ASIC2: variants seen among roughly 807,000 people sequenced by gnomAD.
ASIC2 encodes acid sensing ion channel subunit 2.
Under a neutral mutation model 57.3 loss-of-function variants are expected in ASIC2, and 25 were observed. The observed-to-expected ratio is 0.44, with a 90% CI of 0.32 to 0.61. The LOEUF is 0.61. Among genes scored for constraint, ASIC2 ranks in the 20% least tolerant of loss-of-function variants. ASIC2 has a pLI of 0.06. For synonymous variants in ASIC2, 319 were observed against 307.5 expected, an observed-to-expected ratio of 1.04 and a Z score of -0.39; for missense variants, 641 against 738.1, an observed-to-expected ratio of 0.87 and a Z score of 1.52.
chr17:33,469,732 A>T (rs1002853025), intron 1 of ASIC2, among the ~76,000 whole-genome samples: 5 of 152,182 alleles, frequency 3.3e-5, no homozygotes, highest in Non-Finnish European at 7.4e-5. Context: ...GAGGGAGCTG[A>T]TGTGATACCA....
chr17:33,852,833 G>A (rs1432705122), intron 1 of ASIC2, among the ~76,000 whole-genome samples: 4 of 152,048 alleles, frequency 2.6e-5, no homozygotes, highest in South Asian at 2.1e-4. Flanking sequence ...GGAGAGGGCC[G>A]GTGAGCAAGA....
chr17:33,035,145 A>AT (rs1393710360), intron 3 of ASIC2, among the ~76,000 whole-genome samples: 1 of 152,026 alleles, frequency 6.6e-6, no homozygotes, highest in Admixed American at 6.5e-5. Context: ...AGATGGTGTG[A>AT]TTTTCAGTTC....
chr17:33,878,641 T>C (rs964302962), intron 1 of ASIC2, among the ~76,000 whole-genome samples: 2 of 152,224 alleles, frequency 1.3e-5, no homozygotes, highest in Non-Finnish European at 2.9e-5. Context: ...CTGGTGTACC[T>C]GAAAGTGATG....
At chr17:33,701,501 T>C (rs1908700922) in intron 1 of ASIC2, among the ~76,000 whole-genome samples, 1 of 152,190 alleles carries the variant, frequency 6.6e-6, no homozygotes, top group South Asian at 2.1e-4. Flanking sequence ...CAATTCACTC[T>C]TACACAAGGG....
At chr17:34,051,518 T>C (rs552249700) in intron 1 of ASIC2, among the ~76,000 whole-genome samples, 105 of 152,326 alleles carry the variant, frequency 6.9e-4, no homozygotes, top group African/African-American at 2.4e-3. Context: ...AAGTCAGGAC[T>C]ATCAGTTATT....
At chr17:33,420,764 C>G (rs1052434728) in intron 1 of ASIC2, among the ~76,000 whole-genome samples, 1 of 152,128 alleles carries the variant, frequency 6.6e-6, no homozygotes, top group Admixed American at 6.5e-5. Flanking sequence ...GCTACCAACA[C>G]AGAATGGGAG....
intron 1 of ASIC2, among the ~76,000 whole-genome samples, chr17:33,324,705 C>T (rs1009803121): frequency 6.6e-6 from 1 of 152,184 alleles, no homozygotes; most frequent in Non-Finnish European, 1.5e-5. Flanking sequence ...GTTCTCTTCT[C>T]CCCATTAAGA....
intron 1 of ASIC2, among the ~76,000 whole-genome samples, chr17:33,572,681 C>A (rs1490536140): frequency 3.3e-5 from 5 of 152,190 alleles, no homozygotes; most frequent in African/African-American, 1.2e-4. Flanking sequence ...CCAGGCCCAG[C>A]CGCTTACCTG....
chr17:33,740,797 A>G (rs1036307939), intron 1 of ASIC2, among the ~76,000 whole-genome samples: 1 of 152,156 alleles, frequency 6.6e-6, no homozygotes, highest in African/African-American at 2.4e-5. Flanking sequence ...CTTAGCCACT[A>G]CTATGGGTTG....
intron 1 of ASIC2, among the ~76,000 whole-genome samples, chr17:33,489,723 G>A (rs1372768952): frequency 6.6e-6 from 1 of 152,192 alleles, no homozygotes; most frequent in Non-Finnish European, 1.5e-5. Flanking sequence ...CAAGCTTTTG[G>A]CCAAGTCTGA....
Position 33,058,316 on chromosome 17 carries a change from C to T in ASIC2, c.988-29924G>A, listed in dbSNP as rs113361123. Among the ~76,000 whole-genome samples, 1,066 of 152,032 alleles carry T rather than the reference C, an allele frequency of 7.0e-3. 17 individuals are homozygous for T. Among genetic ancestry groups the T allele is most frequent in the African/African-American group, 0.025 (1,024 of 41,446 alleles). ...CTTTGTCAATGCTCAGAGGTGAGGC[C>T]GACTGGAAAAGGATGGGAGATTTGT... On this transcript the variant is annotated intron_variant, in intron 3 of 9. Coordinates refer to ENST00000225823, the MANE Select transcript of ASIC2 (RefSeq NM_183377.2).
chr17:34,069,131 T>C (rs976816934), intron 1 of ASIC2, among the ~76,000 whole-genome samples: 6 of 152,106 alleles, frequency 3.9e-5, no homozygotes, highest in African/African-American at 1.4e-4. Flanking sequence ...TGGGAGTATT[T>C]ACACTGCAGA....
At chr17:33,050,422 C>T (rs2091970656) in intron 3 of ASIC2, among the ~76,000 whole-genome samples, 1 of 152,110 alleles carries the variant, frequency 6.6e-6, no homozygotes, top group Non-Finnish European at 1.5e-5. Context: ...GACATCCTCT[C>T]TATAGGCCTC....
At chr17:33,577,048 C>T (rs1011678792) in intron 1 of ASIC2, among the ~76,000 whole-genome samples, 3 of 152,180 alleles carry the variant, frequency 2.0e-5, no homozygotes, top group Non-Finnish European at 2.9e-5. Context: ...CTTTGAGCCT[C>T]TTCATTCATC....
chr17:33,074,629 A>C (rs1000132882), intron 3 of ASIC2, among the ~76,000 whole-genome samples: 3 of 152,208 alleles, frequency 2.0e-5, no homozygotes, highest in Admixed American at 1.3e-4. Flanking sequence ...AACTGCAGGC[A>C]GTATTGCTCA....
chr17:33,414,876 T>C (rs1910785150), intron 1 of ASIC2, among the ~76,000 whole-genome samples: 1 of 152,218 alleles, frequency 6.6e-6, no homozygotes, highest in Admixed American at 6.5e-5. Flanking sequence ...ACCCCGCTTC[T>C]CCATGGCTCC....
At chr17:34,014,143 C>T (rs1341583412) in intron 1 of ASIC2, among the ~76,000 whole-genome samples, 1 of 152,190 alleles carries the variant, frequency 6.6e-6, no homozygotes, top group Non-Finnish European at 1.5e-5. Context: ...TGGGTACTTA[C>T]TATGTGCCAG....
intron 1 of ASIC2, among the ~76,000 whole-genome samples, chr17:33,169,996 C>T (rs1905449820): frequency 2.0e-5 from 3 of 152,150 alleles, no homozygotes; most frequent in Admixed American, 6.5e-5. Flanking sequence ...ATATCAGAGC[C>T]AACTGTGTCC....
chr17:33,415,828 ATCT>A (rs1358087667), intron 1 of ASIC2, among the ~76,000 whole-genome samples: 14 of 152,244 alleles, frequency 9.2e-5, no homozygotes, highest in East Asian at 1.9e-4. Flanking sequence ...GCAGTTAGAC[ATCT>A]TCTTGAGAAT....
Sources: gnomAD v4.1 joint callset for allele counts (sites outside exome capture counted in the v4.1 genomes callset) on GRCh38, gnomAD v4.1.1 for gene constraint, MANE v1.5 for transcripts, NCBI Gene and HGNC (gene_info 2026-07-23, HGNC 2026-07-21) for gene names.